Variants in ZNF827 observed in about 807,000 individuals in gnomAD.
ZNF827 encodes zinc finger protein 827.
Under a neutral mutation model 102.4 loss-of-function variants are expected in ZNF827, and 13 were observed. That is an observed-to-expected ratio of 0.13 (90% CI 0.08 to 0.20). ZNF827 has a LOEUF of 0.20. Ranked by LOEUF, ZNF827 falls within the 10% of genes least tolerant of loss-of-function variation. The probability of loss-of-function intolerance (pLI) is 1.00; values close to 1 mark genes in which losing one functional copy is unlikely to be tolerated. For missense variants in ZNF827, 1,103 were observed against 1,344.4 expected (o/e 0.82, Z 2.81); for synonymous variants, 523 against 536.2 (o/e 0.98, Z 0.34).
chr4:145,797,179 A>G (rs1740471865), intron 8 of ZNF827, among the ~76,000 whole-genome samples: 1 of 152,212 alleles, frequency 6.6e-6, no homozygotes, highest in Non-Finnish European at 1.5e-5. Flanking sequence ...TGCCATAATT[A>G]TGATCAATGA....
At chr4:145,905,952 GATAGT>G (rs1268077554) in intron 1 of ZNF827, among the ~76,000 whole-genome samples, 4 of 152,306 alleles carry the variant, frequency 2.6e-5, no homozygotes, top group African/African-American at 7.2e-5. Flanking sequence ...AGGAGCTCAA[GATAGT>G]CAAGAATGGT....
intron 1 of ZNF827, among the ~76,000 whole-genome samples, chr4:145,903,678 T>C (rs1751605566): frequency 6.6e-6 from 1 of 152,206 alleles, no homozygotes; most frequent in Non-Finnish European, 1.5e-5. Context: ...TCCGTGACTC[T>C]AGGCAAGTCA....
At chr4:145,883,907 G>A (rs1383538993) in intron 4 of ZNF827, among the ~76,000 whole-genome samples, 1 of 152,100 alleles carries the variant, frequency 6.6e-6, no homozygotes, top group Non-Finnish European at 1.5e-5. Context: ...TTCCCCTGGA[G>A]GTGAAATCCT....
intron 5 of ZNF827, among the ~76,000 whole-genome samples, chr4:145,860,814 G>A (rs1005294115): frequency 3.9e-5 from 6 of 152,170 alleles, no homozygotes; most frequent in South Asian, 2.1e-4. Context: ...GCTTGATAGC[G>A]GGGAAACACT....
intron 1 of ZNF827, among the ~76,000 whole-genome samples, chr4:145,923,627 C>CAGAT (rs765580423): frequency 6.6e-6 from 1 of 152,008 alleles, no homozygotes; most frequent in East Asian, 1.9e-4. Context: ...AATGCCGTAG[C>CAGAT]AGATAGGAGA....
rs1245352541 is a variant in ZNF827, at chr4:145,938,638, T to A, written c.-231A>T. 1.4e-3 allele frequency: 655 copies of A among 474,710 alleles called. 4 individuals carry two copies. The highest frequency in any genetic ancestry group is 2.0e-3 in the South Asian group (81 of 39,654). 29.4% of individuals were successfully genotyped at this position (474,710 alleles called of 1,614,324 possible). On this transcript the variant is annotated 5_prime_UTR_variant, in exon 1 of 15. Transcript: ENST00000508784. Reference sequence around the variant, plus strand: ...TCTTTTTTCCTTTTTTTTTTTTTTTTAAATTTTTGGTCGTGCACCTGGCTT... The same window carrying A: ...TCTTTTTTCCTTTTTTTTTTTTTTTAAAATTTTTGGTCGTGCACCTGGCTT...
At chr4:145,787,246 C>G (rs757369158) in intron 8 of ZNF827, among the ~76,000 whole-genome samples, 10 of 152,120 alleles carry the variant, frequency 6.6e-5, no homozygotes, top group Admixed American at 1.3e-4. Context: ...GTGTGGATCA[C>G]AAGGTCAGGA....
intron 4 of ZNF827, among the ~76,000 whole-genome samples, chr4:145,881,171 C>T (rs1379595798): frequency 1.3e-5 from 2 of 152,272 alleles, no homozygotes; most frequent in Non-Finnish European, 2.9e-5. Context: ...CATTAACCTA[C>T]ACCCTACGTT....
chr4:145,871,324 C>T lies in ZNF827; in HGVS notation c.1748-846G>A, dbSNP rs1009378550. The stretch of plus-strand genomic sequence containing the variant: ...ATTTCACCAGTTTTTCCACTAATGT[C>T]CTTTTTCCATTTTTAGCATGGTTGG... On this transcript the variant is annotated intron_variant, in intron 4 of 14. Transcript: ENST00000508784. 5.3e-5 allele frequency among the ~76,000 whole-genome samples: 8 copies of T among 152,324 alleles called. No individual in the cohort carries two copies. In the East Asian group the frequency reaches 1.5e-3, roughly 29 times the overall value.
intron 1 of ZNF827, among the ~76,000 whole-genome samples, chr4:145,920,114 A>C (rs1752954589): frequency 6.6e-6 from 1 of 152,246 alleles, no homozygotes; most frequent in Non-Finnish European, 1.5e-5. Flanking sequence ...CGCTTAGTGA[A>C]TAATAGCTTT....
chr4:145,919,957 A>C (rs1327461323), intron 1 of ZNF827, among the ~76,000 whole-genome samples: 1 of 152,222 alleles, frequency 6.6e-6, no homozygotes, highest in Non-Finnish European at 1.5e-5. Flanking sequence ...CTCCCACTCG[A>C]ATCTTATCCT....
At chr4:145,814,814 G>A (rs1027959366) in intron 8 of ZNF827, among the ~76,000 whole-genome samples, 27 of 150,866 alleles carry the variant, frequency 1.8e-4, no homozygotes, top group Admixed American at 2.6e-4. Flanking sequence ...TGTGGCATGC[G>A]CCTGTAATCC....
In ZNF827 at chr4:145,761,927, C is replaced by T. The variant is rs1025931241; in HGVS notation, c.*18-329G>A. Among the ~76,000 whole-genome samples, 60 of 152,316 alleles carry T rather than the reference C, an allele frequency of 3.9e-4. No homozygotes were observed. The highest frequency in any genetic ancestry group is 7.3e-5 in the Non-Finnish European group (5 of 68,036). On this transcript the variant is annotated intron_variant, in intron 14 of 14. Coordinates refer to ENST00000508784, the MANE Select transcript of ZNF827 (RefSeq NM_001306215.2). The surrounding 1 kb of genome is among the most constrained non-coding windows in gnomAD (Gnocchi z 6.8). Reference sequence around the variant, plus strand: ...TTTGCTGGTGCTCCCCTCCAGCCCCCGCCCGGCCCCTCGGAGCCCTCCCCA... The same window carrying T: ...TTTGCTGGTGCTCCCCTCCAGCCCCTGCCCGGCCCCTCGGAGCCCTCCCCA...
intron 6 of ZNF827, among the ~76,000 whole-genome samples, chr4:145,846,906 C>A (rs1746021616): frequency 6.7e-6 from 1 of 148,858 alleles, no homozygotes; most frequent in South Asian, 2.1e-4. Context: ...GTAATCCCAG[C>A]ACTTTGGGAG....
chr4:145,909,995 G>C (rs1752161309), intron 1 of ZNF827, among the ~76,000 whole-genome samples: 1 of 152,164 alleles, frequency 6.6e-6, no homozygotes, highest in Non-Finnish European at 1.5e-5. Context: ...AGCGTGCCCA[G>C]GAAGAAAATG....
At chr4:145,885,628 GA>G in intron 4 of ZNF827, 49 bp downstream of exon 4, 3 of 1,476,906 alleles carry the variant, frequency 2.0e-6, no homozygotes, top group Non-Finnish European at 2.7e-6. Context: ...GAGAGAGAGA[GA>G]GAGAGAGAGA....
At chr4:145,851,279 TA>T (rs1479193745) in intron 5 of ZNF827, among the ~76,000 whole-genome samples, 1 of 84,430 alleles carries the variant, frequency 1.2e-5, no homozygotes, top group Non-Finnish European at 2.9e-5. Flanking sequence ...TTCAGATAGA[TA>T]GATAGATAGA....
chr4:145,766,197 G>A (rs1283195246), intron 11 of ZNF827, among the ~76,000 whole-genome samples: 2 of 152,052 alleles, frequency 1.3e-5, no homozygotes, highest in African/African-American at 4.8e-5. Context: ...GTTTGAGTTC[G>A]TCTGACTCCA....
At chr4:145,910,352 C>T (rs1336254532) in intron 1 of ZNF827, among the ~76,000 whole-genome samples, 1 of 152,154 alleles carries the variant, frequency 6.6e-6, no homozygotes, top group Non-Finnish European at 1.5e-5. Context: ...AGGAACTGCC[C>T]GTGTTCCTCC....
Sources: gnomAD v4.1 joint callset for allele counts (sites outside exome capture counted in the v4.1 genomes callset) on GRCh38, gnomAD v4.1.1 for gene constraint, Gnocchi (gnomAD v3.1) non-coding constraint, MANE v1.5 for transcripts, NCBI Gene and HGNC (gene_info 2026-07-23, HGNC 2026-07-21) for gene names.